The following ADGRA3 variants were observed in gnomAD, a reference collection of about 807,000 sequenced individuals.
ADGRA3 encodes the protein adhesion G protein-coupled receptor A3.
In ADGRA3, 56 loss-of-function variants were observed where a neutral mutation model predicts 119.8. The ratio of observed to expected loss-of-function variants is 0.47; its 90% CI spans 0.38 to 0.58. The LOEUF (loss-of-function observed/expected upper bound fraction) is 0.58, where lower values mean the gene tolerates loss of function less well. Ranked by LOEUF, ADGRA3 falls within the 20% of genes least tolerant of loss-of-function variation. The pLI is 0.00. For missense variants in ADGRA3, 1,516 were observed against 1,649.0 expected, an observed-to-expected ratio of 0.92 and a Z score of 1.40; for synonymous variants, 607 against 623.8, an observed-to-expected ratio of 0.97 and a Z score of 0.40.
intron 1 of ADGRA3, among the ~76,000 whole-genome samples, chr4:22,515,033 A>T (rs760303359): frequency 8.5e-5 from 13 of 152,242 alleles, no homozygotes; most frequent in Non-Finnish European, 1.9e-4. Context: ...AAACTAAGAT[A>T]GCAAAAGGCA....
At chr4:22,398,640 TA>T (rs35083032) in intron 16 of ADGRA3, among the ~76,000 whole-genome samples, 1 of 151,222 alleles carries the variant, frequency 6.6e-6, no homozygotes, top group Non-Finnish European at 1.5e-5. Context: ...TTACCTTTAT[TA>T]AAAAAAAACA....
intron 16 of ADGRA3, among the ~76,000 whole-genome samples, chr4:22,399,992 A>AT (rs1423593123): frequency 2.6e-5 from 4 of 152,004 alleles, no homozygotes; most frequent in African/African-American, 9.7e-5. Flanking sequence ...AATCTTGAAC[A>AT]TTTTTCATTA....
chr4:22,469,230 C>T lies in ADGRA3; in HGVS notation c.329+4542G>A, dbSNP rs148426795. Among the ~76,000 whole-genome samples the T allele has an allele frequency of 3.0e-4, 46 of 152,276 alleles. 1 individual carries two copies. In the East Asian group the frequency reaches 8.7e-3, roughly 29 times the overall value. ...CCCTCAACCCACAGAGAGCCCCCTC[C>T]TAATTGGTTTTGCTCCATGGCACTT... is the stretch of plus-strand genomic sequence containing the variant. On this transcript the variant is annotated intron_variant, in intron 2 of 18. Transcript: ENST00000334304.
chr4:22,461,618 C>A, intron 3 of ADGRA3, 119 bp downstream of exon 3: 2 of 669,498 alleles, frequency 3.0e-6, no homozygotes, highest in Admixed American at 2.8e-5. Flanking sequence ...TATCAGGGAC[C>A]TGGCCAGGTA....
In ADGRA3 at chr4:22,413,211, A is replaced by G. The variant is rs372920953; in HGVS notation, c.2203T>C (p.Tyr735His). 1.1e-4 allele frequency: 177 copies of G among 1,613,680 alleles called. 1 individual carries two copies. Among genetic ancestry groups the G allele is most frequent in the Non-Finnish European group, 1.3e-4 (153 of 1,179,694 alleles). ...AAAACTGCATAGTTACTAAGGGAGT[A>G]GCACTGAATCGTAGTGATATTTTCA... ...SDENITTIQC[Y>H]SLSNYAVLMD... Residue 735 changes from tyrosine to histidine, a missense_variant, in exon 14 of 19, where the codon TAC becomes CAC. Physicochemically the swap from Tyr to His is moderately conservative, Grantham distance 83. Coordinates refer to ENST00000334304, the MANE Select transcript of ADGRA3 (RefSeq NM_145290.4).
chr4:22,421,966 A>T (rs1429504574), intron 11 of ADGRA3, among the ~76,000 whole-genome samples: 3 of 151,842 alleles, frequency 2.0e-5, no homozygotes, highest in Non-Finnish European at 4.4e-5. Flanking sequence ...TCATCTGAAA[A>T]ATATGGCACC....
intron 1 of ADGRA3, among the ~76,000 whole-genome samples, chr4:22,475,114 G>A (rs1024402772): frequency 6.6e-6 from 1 of 152,286 alleles, no homozygotes; most frequent in Middle Eastern, 3.4e-3. Context: ...CTAAAGTGAA[G>A]CATAACTGGG....
chr4:22,411,525 G>C (rs1193464836), intron 14 of ADGRA3, among the ~76,000 whole-genome samples: 2 of 152,126 alleles, frequency 1.3e-5, no homozygotes, highest in African/African-American at 4.8e-5. Flanking sequence ...CCTGAGCCTG[G>C]GAGGTAGAGG....
At position 22,515,804 on chromosome 4, in the gene ADGRA3, G is replaced by A. The variant is rs1719646659; in HGVS notation, c.-20C>T. ...CTCCATGCTGCGGGCCGGGGCCTGCGGGGCGAGCGGCGGCGCACTGGCCTA... is the reference window on the plus strand; with the variant it reads ...CTCCATGCTGCGGGCCGGGGCCTGCAGGGCGAGCGGCGGCGCACTGGCCTA... On this transcript the variant is annotated 5_prime_UTR_variant, in exon 1 of 19. Coordinates refer to ENST00000334304, the MANE Select transcript of ADGRA3 (RefSeq NM_145290.4). 8 of 994,742 alleles carry A rather than the reference G, an allele frequency of 8.0e-6. 1 individual carries two copies. In the South Asian group the frequency reaches 3.6e-4, roughly 45 times the overall value. 61.6% of individuals were successfully genotyped at this position (994,742 alleles called of 1,614,324 possible).
intron 11 of ADGRA3, among the ~76,000 whole-genome samples, chr4:22,422,836 A>G (rs1370202338): frequency 2.0e-5 from 3 of 152,192 alleles, no homozygotes; most frequent in Non-Finnish European, 2.9e-5. Context: ...GGACATAAAT[A>G]TGACAAGCTA....
At chr4:22,439,271 C>G (rs1328026733) in intron 7 of ADGRA3, among the ~76,000 whole-genome samples, 1 of 152,152 alleles carries the variant, frequency 6.6e-6, no homozygotes, top group Non-Finnish European at 1.5e-5. Context: ...CAAAAGGTTT[C>G]TGTGTTAAGG....
At chr4:22,444,296 T>A (rs1577352572) in intron 6 of ADGRA3, among the ~76,000 whole-genome samples, 1 of 152,178 alleles carries the variant, frequency 6.6e-6, no homozygotes, top group African/African-American at 2.4e-5. Flanking sequence ...TCAGTTATTT[T>A]TTTTTTGAGA....
chr4:22,482,328 G>C (rs760037616), intron 1 of ADGRA3, among the ~76,000 whole-genome samples: 1 of 152,030 alleles, frequency 6.6e-6, no homozygotes, highest in Non-Finnish European at 1.5e-5. Context: ...TGATCATATT[G>C]TGCAGTGAAT....
intron 16 of ADGRA3, among the ~76,000 whole-genome samples, chr4:22,400,868 G>A (rs1714605532): frequency 6.6e-6 from 1 of 151,856 alleles, no homozygotes; most frequent in Non-Finnish European, 1.5e-5. Flanking sequence ...TACAAACAAA[G>A]AAATAAAATG....
chr4:22,424,955 G>A (rs1208369959), intron 10 of ADGRA3, among the ~76,000 whole-genome samples: 1 of 151,824 alleles, frequency 6.6e-6, no homozygotes, highest in Non-Finnish European at 1.5e-5. Flanking sequence ...CATGCCTATA[G>A]TCCCAGCTAC....
chr4:22,439,472 T>G (rs1248252434), intron 7 of ADGRA3, among the ~76,000 whole-genome samples: 6 of 152,140 alleles, frequency 3.9e-5, no homozygotes, highest in Admixed American at 3.9e-4. Flanking sequence ...TGATAAGAAA[T>G]AATTAGACAG....
In ADGRA3 at chr4:22,388,282, A is replaced by G. The variant is rs755147070; in HGVS notation, c.3389T>C (p.Leu1130Ser). ...AAAAQCHANS[L>S]PLNSTPQLDN... ...AAGCTGAGGGGTGGAGTTCAAAGGT[A>G]AAGAATTGGCATGGCACTGAGCTGC... The change falls in exon 19 of 19, where the codon TTA (leucine) becomes TCA (serine). Residue 1130 changes from leucine (L) to serine (S), a missense_variant. This residue lies in a region of ADGRA3 where 1,088 missense variants were observed against 1,107.1 expected (regional missense o/e 0.98). Coordinates refer to ENST00000334304, the MANE Select transcript of ADGRA3 (RefSeq NM_145290.4). The G allele has an allele frequency of 9.9e-6, 16 of 1,613,968 alleles. No individual in the cohort carries two copies. The highest frequency in any genetic ancestry group is 1.4e-5 in the Non-Finnish European group (16 of 1,179,986).
Position 22,417,668 on chromosome 4 carries a change from C to G in ADGRA3, c.1809+3218G>C, listed in dbSNP as rs150312982. Among the ~76,000 whole-genome samples the G allele has an allele frequency of 1.6e-4, 25 of 152,232 alleles. No individual in the cohort carries two copies. The South Asian group carries it at 5.0e-3, about 30-fold the overall frequency. Reference sequence around the variant, plus strand: ...TATCATATGGCCTCTCATTGCAGCTCGCTCCACCACTGTATCACCTTATAA... The same window carrying G: ...TATCATATGGCCTCTCATTGCAGCTGGCTCCACCACTGTATCACCTTATAA... On this transcript the variant is annotated intron_variant, in intron 12 of 18. Transcript: ENST00000334304.
In ADGRA3 at chr4:22,452,620, C is replaced by T. The variant is rs996704238; in HGVS notation, c.473+2246G>A. On this transcript the variant is annotated intron_variant, in intron 4 of 18. Coordinates refer to ENST00000334304, the MANE Select transcript of ADGRA3 (RefSeq NM_145290.4). ...AGAGACAACCCAAGTTCTAAACCTA[C>T]CAAACATTTTAGTTCTTGACGAAGA... Among the ~76,000 whole-genome samples the T allele has an allele frequency of 4.6e-5, 7 of 152,058 alleles. 1 individual carries two copies. Among genetic ancestry groups the T allele is most frequent in the Admixed American group, 4.6e-4 (7 of 15,264 alleles).
Sources: allele counts gnomAD v4.1 joint callset (sites outside exome capture counted in the v4.1 genomes callset), GRCh38; gene constraint gnomAD v4.1.1; regional missense constraint gnomAD v4.1.1; transcripts MANE v1.5; gene names NCBI Gene and HGNC (gene_info 2026-07-23, HGNC 2026-07-21).